EYS: variants seen among roughly 807,000 people sequenced by gnomAD.
The protein encoded by EYS is protein eyes shut homolog.
A neutral mutation model predicts 282.1 loss-of-function variants in EYS; 250 were observed. The observed-to-expected ratio is 0.89, with a 90% CI of 0.80 to 0.98. The LOEUF (loss-of-function observed/expected upper bound fraction) is 0.98, where lower values mean the gene tolerates loss of function less well. Ranked by LOEUF, EYS falls within the 50% of genes least tolerant of loss-of-function variation. The pLI is 0.00. For missense variants in EYS, 4,016 were observed against 3,709.0 expected (o/e 1.08, Z -2.15); for synonymous variants, 1,355 against 1,282.9 (o/e 1.06, Z -1.20).
At chr6:63,781,051 A>T (rs1232478277) in intron 39 of EYS, among the ~76,000 whole-genome samples, 3 of 152,190 alleles carry the variant, frequency 2.0e-5, no homozygotes, top group Admixed American at 6.5e-5. Context: ...CAAAGATCAG[A>T]TGGTTGTAGA....
intron 12 of EYS, among the ~76,000 whole-genome samples, chr6:65,213,600 T>C (rs1027429714): frequency 6.6e-6 from 1 of 152,170 alleles, no homozygotes; most frequent in Non-Finnish European, 1.5e-5. Context: ...ATGTTACTAA[T>C]GGAATTGTCT....
chr6:65,012,501 C>T (rs926772984), intron 13 of EYS, among the ~76,000 whole-genome samples: 9 of 152,144 alleles, frequency 5.9e-5, no homozygotes, highest in Non-Finnish European at 1.0e-4. Context: ...CCTTGAACTG[C>T]TTGGGTTTTC....
intron 4 of EYS, among the ~76,000 whole-genome samples, chr6:65,492,834 C>T (rs986954351): frequency 1.3e-5 from 2 of 152,164 alleles, no homozygotes; most frequent in African/African-American, 4.8e-5. Flanking sequence ...CTATCAAGTT[C>T]AAAATGACTA....
At position 64,704,441 on chromosome 6, in the gene EYS, CTA is replaced by C. The variant is rs1770903614; in HGVS notation, c.3444-78198_3444-78197del. Reference sequence around the variant, plus strand: ...CTAAATTATATTTCTATAATATAATCTATATTATAATATAATTATAATATAAT... The same window carrying C: ...CTAAATTATATTTCTATAATATAATCTATTATAATATAATTATAATATAAT... On this transcript the variant is annotated intron_variant, in intron 22 of 42. Transcript: ENST00000503581. Among the ~76,000 whole-genome samples, 15 of 125,550 alleles carry C rather than the reference CTA, an allele frequency of 1.2e-4. No homozygotes were observed. In the South Asian group the frequency reaches 3.5e-3, roughly 29 times the overall value. 82.4% of individuals were successfully genotyped at this position (125,550 alleles called of 152,430 possible).
chr6:64,615,491 A>T (rs2149847757), intron 24 of EYS, among the ~76,000 whole-genome samples: 1 of 152,188 alleles, frequency 6.6e-6, no homozygotes, highest in East Asian at 1.9e-4. Context: ...ATAATTCAGC[A>T]GATTATTTTA....
At chr6:64,345,993 C>T (rs1771374321) in intron 29 of EYS, among the ~76,000 whole-genome samples, 1 of 152,052 alleles carries the variant, frequency 6.6e-6, no homozygotes, top group Non-Finnish European at 1.5e-5. Flanking sequence ...AAATCAAAAC[C>T]ATGATGAGAT....
intron 22 of EYS, among the ~76,000 whole-genome samples, chr6:64,732,994 A>G (rs901058018): frequency 3.3e-5 from 5 of 152,192 alleles, no homozygotes; most frequent in Non-Finnish European, 5.9e-5. Flanking sequence ...GATGAATGGC[A>G]TATCCCCTAA....
chr6:65,416,771 A>G (rs1767257911), intron 5 of EYS, among the ~76,000 whole-genome samples: 1 of 152,094 alleles, frequency 6.6e-6, no homozygotes, highest in Non-Finnish European at 1.5e-5. Flanking sequence ...CTTTCCTGTA[A>G]GAATGAAGCT....
chr6:65,447,401 T>A (rs1307471323), intron 5 of EYS, among the ~76,000 whole-genome samples: 4 of 148,052 alleles, frequency 2.7e-5, no homozygotes, highest in African/African-American at 9.8e-5. Context: ...TATATATAAT[T>A]AGAATTATAA....
At chr6:64,640,497 C>T (rs1294993955) in intron 22 of EYS, among the ~76,000 whole-genome samples, 3 of 151,286 alleles carry the variant, frequency 2.0e-5, no homozygotes, top group African/African-American at 7.3e-5. Context: ...CATGTTCTCA[C>T]TCATAGATGG....
At chr6:64,902,762 A>G (rs1044160900) in intron 16 of EYS, among the ~76,000 whole-genome samples, 2 of 152,146 alleles carry the variant, frequency 1.3e-5, no homozygotes, top group Admixed American at 6.6e-5. Flanking sequence ...AGATGTTGCT[A>G]ATGTTGCTGT....
At chr6:65,296,799 G>T (rs1219034937) in intron 11 of EYS, among the ~76,000 whole-genome samples, 4 of 151,618 alleles carry the variant, frequency 2.6e-5, no homozygotes, top group Non-Finnish European at 1.5e-5. Flanking sequence ...TTTTCTAGTA[G>T]TTTTTTACAT....
chr6:65,335,725 ACT>A (rs1324295491), intron 10 of EYS, among the ~76,000 whole-genome samples: 1 of 151,546 alleles, frequency 6.6e-6, no homozygotes, highest in African/African-American at 2.4e-5. Context: ...AATATGTCTG[ACT>A]CTATTTTGAA....
At chr6:64,504,982 A>G (rs1463012932) in intron 26 of EYS, among the ~76,000 whole-genome samples, 2 of 152,198 alleles carry the variant, frequency 1.3e-5, no homozygotes, top group Non-Finnish European at 2.9e-5. Context: ...CTGTTTGTGA[A>G]TTTTATAATG....
chr6:64,034,821 A>G (rs1401836691), intron 33 of EYS, among the ~76,000 whole-genome samples: 1 of 152,152 alleles, frequency 6.6e-6, no homozygotes, highest in Non-Finnish European at 1.5e-5. Flanking sequence ...AAGCAACACG[A>G]GGCATTCTCT....
intron 13 of EYS, among the ~76,000 whole-genome samples, chr6:65,008,355 A>G (rs1771754799): frequency 6.6e-6 from 1 of 152,098 alleles, no homozygotes; most frequent in African/African-American, 2.4e-5. Flanking sequence ...AAAAACTTCA[A>G]AAGTCTGCCA....
At chr6:65,655,463 T>C (rs1168037017) in intron 1 of EYS, among the ~76,000 whole-genome samples, 1 of 151,748 alleles carries the variant, frequency 6.6e-6, no homozygotes, top group Non-Finnish European at 1.5e-5. Context: ...ATGTTGATAG[T>C]GTATCCCCTT....
chr6:64,712,093 G>T (rs1187758788), intron 22 of EYS, among the ~76,000 whole-genome samples: 5 of 152,170 alleles, frequency 3.3e-5, no homozygotes, highest in Non-Finnish European at 7.3e-5. Context: ...GGTGCCTTCA[G>T]CTTGGAGATG....
chr6:65,541,962 A>C (rs571607611), intron 2 of EYS, among the ~76,000 whole-genome samples: 2 of 152,300 alleles, frequency 1.3e-5, no homozygotes, highest in East Asian at 1.9e-4. Context: ...AATAAGCTAG[A>C]AGGCTAGTAA....
Sources: gnomAD v4.1 joint callset for allele counts (sites outside exome capture counted in the v4.1 genomes callset) on GRCh38, gnomAD v4.1.1 for gene constraint, MANE v1.5 for transcripts, NCBI Gene and HGNC (gene_info 2026-07-23, HGNC 2026-07-21) for gene names.